The following ENOX1 variants were observed in gnomAD, a reference collection of about 807,000 sequenced individuals.
ENOX1 encodes candidate growth-related and time keeping constitutive hydroquinone (NADH) oxidase.
Under a neutral mutation model 82.5 loss-of-function variants are expected in ENOX1, and 42 were observed. The observed-to-expected ratio is 0.51, with a 90% CI of 0.40 to 0.66. ENOX1 has a LOEUF of 0.66. ENOX1 is among the 30% of genes least tolerant of loss of function. The pLI is 0.00. For missense variants in ENOX1, 608 were observed against 811.6 expected (o/e 0.75, Z 3.05); for synonymous variants, 271 against 282.2 (o/e 0.96, Z 0.40).
intron 5 of ENOX1, among the ~76,000 whole-genome samples, chr13:43,372,852 A>G (rs1468808580): frequency 6.6e-6 from 1 of 152,138 alleles, no homozygotes; most frequent in Non-Finnish European, 1.5e-5. Context: ...AGTAAGTCAG[A>G]GGGAGAGACA....
intron 1 of ENOX1, among the ~76,000 whole-genome samples, chr13:43,751,523 ACT>A (rs140661833): frequency 6.6e-6 from 1 of 151,988 alleles, no homozygotes; most frequent in African/African-American, 2.4e-5. Context: ...CCTTTTGTCA[ACT>A]CTCTCTGTCA....
At chr13:43,739,142 A>G (rs558286191) in intron 1 of ENOX1, among the ~76,000 whole-genome samples, 2 of 152,326 alleles carry the variant, frequency 1.3e-5, no homozygotes, top group African/African-American at 4.8e-5. Context: ...CATTTCTTCA[A>G]CAAATATCTA....
intron 12 of ENOX1, among the ~76,000 whole-genome samples, chr13:43,273,639 A>G (rs952810122): frequency 6.6e-6 from 1 of 152,154 alleles, no homozygotes; most frequent in Non-Finnish European, 1.5e-5. Flanking sequence ...CTCACCAGGC[A>G]TATGGTTGGG....
At chr13:43,530,793 T>C (rs2078176381) in intron 2 of ENOX1, among the ~76,000 whole-genome samples, 1 of 152,138 alleles carries the variant, frequency 6.6e-6, no homozygotes, top group African/African-American at 2.4e-5. Context: ...ATTACATTTA[T>C]TTAAACCCAG....
At chr13:43,511,005 AGTTTAAG>A (rs2077347508) in intron 2 of ENOX1, among the ~76,000 whole-genome samples, 1 of 152,122 alleles carries the variant, frequency 6.6e-6, no homozygotes. Flanking sequence ...GCCACGTGCA[AGTTTAAG>A]GCTATATTTT....
At chr13:43,700,239 T>C (rs2086843094) in intron 1 of ENOX1, among the ~76,000 whole-genome samples, 1 of 152,140 alleles carries the variant, frequency 6.6e-6, no homozygotes, top group Non-Finnish European at 1.5e-5. Flanking sequence ...ATAAAACTTC[T>C]TTTGAGTTAA....
intron 3 of ENOX1, among the ~76,000 whole-genome samples, chr13:43,481,939 CA>C (rs1287407954): frequency 6.6e-6 from 1 of 152,056 alleles, no homozygotes; most frequent in East Asian, 1.9e-4. Context: ...CAGGGAAATA[CA>C]AATCAAAACC....
At chr13:43,725,979 G>C (rs2088923606) in intron 1 of ENOX1, among the ~76,000 whole-genome samples, 1 of 150,764 alleles carries the variant, frequency 6.6e-6, no homozygotes, top group Non-Finnish European at 1.5e-5. Flanking sequence ...AAAAAAAAAA[G>C]GTTCTGATTA....
chr13:43,360,810 A>G (rs1418750273), intron 6 of ENOX1, among the ~76,000 whole-genome samples: 1 of 152,120 alleles, frequency 6.6e-6, no homozygotes, highest in Non-Finnish European at 1.5e-5. Flanking sequence ...CATCAAATGT[A>G]TGTTTCCTTC....
At chr13:43,779,642 C>T (rs539603726) in intron 1 of ENOX1, among the ~76,000 whole-genome samples, 32 of 152,170 alleles carry the variant, frequency 2.1e-4, no homozygotes, top group Non-Finnish European at 4.6e-4. Context: ...TTGTGACAAA[C>T]ACATCATGGG....
At chr13:43,681,437 T>A (rs1287700500) in intron 1 of ENOX1, among the ~76,000 whole-genome samples, 1 of 152,144 alleles carries the variant, frequency 6.6e-6, no homozygotes, top group Non-Finnish European at 1.5e-5. Flanking sequence ...AAAAGCAATA[T>A]GGCTAGCCTT....
chr13:43,283,972 C>T (rs889192336), intron 12 of ENOX1, among the ~76,000 whole-genome samples: 1 of 151,962 alleles, frequency 6.6e-6, no homozygotes, highest in Non-Finnish European at 1.5e-5. Context: ...TCCAGATATA[C>T]AAAATTTATT....
chr13:43,751,868 C>T (rs772989085), intron 1 of ENOX1, among the ~76,000 whole-genome samples: 8 of 152,160 alleles, frequency 5.3e-5, no homozygotes, highest in Non-Finnish European at 8.8e-5. Flanking sequence ...TGTACAGACA[C>T]GTGTTCTTTC....
chr13:43,223,443 A>G (rs1461777444), intron 16 of ENOX1, among the ~76,000 whole-genome samples: 1 of 152,182 alleles, frequency 6.6e-6, no homozygotes, highest in Non-Finnish European at 1.5e-5. Flanking sequence ...GTACACAAAT[A>G]CTGCGGTGGG....
At chr13:43,263,125 T>A (rs2044173998) in intron 14 of ENOX1, among the ~76,000 whole-genome samples, 1 of 152,182 alleles carries the variant, frequency 6.6e-6, no homozygotes, top group South Asian at 2.1e-4. Flanking sequence ...CATACCCTAG[T>A]GGAGGTACTG....
At chr13:43,501,529 T>C (rs954084189) in intron 2 of ENOX1, among the ~76,000 whole-genome samples, 3 of 151,720 alleles carry the variant, frequency 2.0e-5, no homozygotes, top group African/African-American at 4.8e-5. Flanking sequence ...AAATCTTTAT[T>C]TTAAAAAGAT....
chr13:43,325,235 T>C (rs1023725469), intron 10 of ENOX1, among the ~76,000 whole-genome samples: 4 of 152,196 alleles, frequency 2.6e-5, no homozygotes, highest in Admixed American at 6.5e-5. Context: ...TCTTCCTTAC[T>C]CATAATCCTG....
At chr13:43,530,560 C>T (rs933858499) in intron 2 of ENOX1, among the ~76,000 whole-genome samples, 3 of 152,162 alleles carry the variant, frequency 2.0e-5, no homozygotes, top group African/African-American at 7.2e-5. Flanking sequence ...TTACCTTTAC[C>T]CACTAGTCCC....
At chr13:43,744,029 C>T (rs1949891788) in intron 1 of ENOX1, among the ~76,000 whole-genome samples, 1 of 152,152 alleles carries the variant, frequency 6.6e-6, no homozygotes, top group Non-Finnish European at 1.5e-5. Context: ...ATCTAATCAC[C>T]TCTTAAAGAT....
Sources: allele counts gnomAD v4.1 joint callset (sites outside exome capture counted in the v4.1 genomes callset), GRCh38; gene constraint gnomAD v4.1.1; transcripts MANE v1.5; gene names NCBI Gene and HGNC (gene_info 2026-07-23, HGNC 2026-07-21).